The following ATXN2 variants were observed in gnomAD, a reference collection of about 807,000 sequenced individuals.
The protein encoded by ATXN2 is ataxin-2.
A neutral mutation model predicts 138.6 loss-of-function variants in ATXN2; 37 were observed. The observed-to-expected ratio is 0.27, with a 90% CI of 0.21 to 0.35. The LOEUF (loss-of-function observed/expected upper bound fraction) is 0.35. ATXN2 is among the 10% of genes least tolerant of loss of function. The pLI is 1.00. For missense variants in ATXN2, 1,216 were observed against 1,480.3 expected (o/e 0.82, Z 2.93); for synonymous variants, 549 against 543.7 (o/e 1.01, Z -0.13).
At chr12:111,547,938 A>G (rs1881912639) in intron 5 of ATXN2, among the ~76,000 whole-genome samples, 1 of 150,446 alleles carries the variant, frequency 6.6e-6, no homozygotes, top group Non-Finnish European at 1.5e-5. Context: ...CATGCCTACA[A>G]TCCCAGCAAT....
chr12:111,559,431 G>A (rs993938736), intron 1 of ATXN2, among the ~76,000 whole-genome samples: 1 of 151,348 alleles, frequency 6.6e-6, no homozygotes, highest in African/African-American at 2.4e-5. Flanking sequence ...AATCACATGG[G>A]ACAAAAACAT....
chr12:111,578,401 T>C (rs1372514237), intron 1 of ATXN2, among the ~76,000 whole-genome samples: 1 of 152,112 alleles, frequency 6.6e-6, no homozygotes, highest in East Asian at 1.9e-4. Flanking sequence ...TTACGCTGTA[T>C]TTTTACTCAC....
chr12:111,581,439 AG>A, intron 1 of ATXN2: 3 of 790,388 alleles, frequency 3.8e-6, no homozygotes, highest in Non-Finnish European at 6.8e-6. Flanking sequence ...CCTAACTATG[AG>A]ATGCTCAAGG....
intron 23 of ATXN2, chr12:111,455,402 G>C: frequency 2.5e-6 from 1 of 406,676 alleles, no homozygotes; most frequent in South Asian, 2.7e-5. Flanking sequence ...GCTTACACTG[G>C]AGGTGAGCTC....
At chr12:111,455,714 G>T in intron 23 of ATXN2, 1 of 444,570 alleles carries the variant, frequency 2.2e-6, no homozygotes, top group Non-Finnish European at 4.2e-6. Flanking sequence ...CATATATATA[G>T]TAGTGAGGCT....
At chr12:111,545,474 T>C (rs1412924086) in intron 5 of ATXN2, among the ~76,000 whole-genome samples, 2 of 151,664 alleles carry the variant, frequency 1.3e-5, no homozygotes, top group Non-Finnish European at 2.9e-5. Flanking sequence ...CAGGCACCTA[T>C]AGCCCCAGCT....
At position 111,555,064 on chromosome 12, in the gene ATXN2, T is replaced by C. The variant is rs905878446; in HGVS notation, c.288+819A>G. On this transcript the variant is annotated intron_variant, in intron 2 of 24. Transcript: ENST00000673436. ...TATTTCTTCCATCATGTGGGACTTA[T>C]AGTTTCTGCCCTTCATGTCCGGTTC... Among the ~76,000 whole-genome samples the C allele has an allele frequency of 3.3e-5, 5 of 152,336 alleles. No homozygotes were observed. In the East Asian group the frequency reaches 9.6e-4, roughly 29 times the overall value.
chr12:111,515,087 A>G (rs1305473851), intron 10 of ATXN2, among the ~76,000 whole-genome samples: 2 of 152,222 alleles, frequency 1.3e-5, no homozygotes, highest in Non-Finnish European at 2.9e-5. Flanking sequence ...TTTTGAGCAA[A>G]GAAGTCACCT....
chr12:111,581,668 G>A lies in ATXN2; in HGVS notation c.251+17116C>T, dbSNP rs1592926099. ...TGGTTGGCGACCTGATCAGGGCCCA[G>A]GCCTATGCCTTTACCGCCAAGTGCC... On this transcript the variant is annotated intron_variant, in intron 1 of 24. Coordinates refer to ENST00000673436, the MANE Select transcript of ATXN2 (RefSeq NM_001372574.1). The A allele has an allele frequency of 7.0e-6, 5 of 713,834 alleles. No homozygotes were observed. In the East Asian group the frequency reaches 1.3e-4, roughly 19 times the overall value. The allele number at this position is 713,834 out of a possible 1,614,324, so 44.2% of individuals were successfully genotyped here. A position where few individuals can be genotyped will look rare whatever the true frequency, so the allele number is the denominator to read the frequency against.
chr12:111,517,113 C>A (rs1879900735), intron 9 of ATXN2, among the ~76,000 whole-genome samples: 1 of 152,156 alleles, frequency 6.6e-6, no homozygotes, highest in Non-Finnish European at 1.5e-5. Context: ...AAGCAGTCAT[C>A]ACCAAATAAA....
intron 10 of ATXN2, among the ~76,000 whole-genome samples, chr12:111,515,860 TAAG>T (rs904721461): frequency 3.9e-5 from 6 of 152,102 alleles, no homozygotes; most frequent in African/African-American, 1.4e-4. Context: ...ACAGTGCAAA[TAAG>T]GAGGGGGAAG....
At chr12:111,579,823 C>G (rs573214694) in intron 1 of ATXN2, among the ~76,000 whole-genome samples, 1 of 151,898 alleles carries the variant, frequency 6.6e-6, no homozygotes, top group East Asian at 2.0e-4. Flanking sequence ...CTCAGCCCCC[C>G]CGAGTAGCTG....
intron 1 of ATXN2, among the ~76,000 whole-genome samples, chr12:111,582,209 G>A (rs1279759228): frequency 6.6e-6 from 1 of 152,060 alleles, no homozygotes. Context: ...TTTGGGAGGC[G>A]AAGGCGGGCA....
At chr12:111,484,489 G>A (rs1466166788) in intron 18 of ATXN2, among the ~76,000 whole-genome samples, 1 of 152,070 alleles carries the variant, frequency 6.6e-6, no homozygotes, top group Non-Finnish European at 1.5e-5. Flanking sequence ...CTGAAGTGCA[G>A]TGGCACGATC....
rs1566090902 is a variant in ATXN2 at position 111,598,956 on chromosome 12, GC to G, written c.78del (p.Gln26HisfsTer20). On this transcript the variant is annotated frameshift_variant, in exon 1 of 25. Transcript: ENST00000673436. LOFTEE classifies it high-confidence loss of function. This position sits in a 1 kb window ranked among gnomAD's most constrained non-coding sequence, Gnocchi z 4.5. ...QQQQQQQQQQ[Q>X]QQPPPAAANV... ...TTGGCAGCCGCGGGCGGCGGCTGCT[GC>G]TGCTGCTGCTGCTGCTGCTGTTGCT... The G allele has an allele frequency of 2.7e-6, 4 of 1,479,416 alleles. No homozygotes were observed. The highest frequency in any genetic ancestry group is 4.2e-5 in the Admixed American group (2 of 48,006). 91.6% of individuals were successfully genotyped at this position (1,479,416 alleles called of 1,614,324 possible). A position where few individuals can be genotyped will look rare whatever the true frequency, so the allele number is the denominator to read the frequency against.
In ATXN2 at chr12:111,553,573, A is replaced by C. The variant is rs1592894784; in HGVS notation, c.348+585T>G. 7.2e-5 allele frequency among the ~76,000 whole-genome samples: 3 copies of C among 41,598 alleles called. No individual in the cohort carries two copies. In the South Asian group the frequency reaches 6.6e-3, roughly 91 times the overall value. 27.3% of individuals were successfully genotyped at this position (41,598 alleles called of 152,430 possible). On this transcript the variant is annotated intron_variant, in intron 3 of 24. Transcript: ENST00000673436. Reference sequence around the variant, plus strand: ...GACGCAACCATGCCTCTTTTTTCTCAAAAAAAAAAAAAAAAAAAAAAAAAA... The same window carrying C: ...GACGCAACCATGCCTCTTTTTTCTCCAAAAAAAAAAAAAAAAAAAAAAAAA...
At chr12:111,498,856 G>T (rs1443868181) in intron 14 of ATXN2, among the ~76,000 whole-genome samples, 1 of 152,082 alleles carries the variant, frequency 6.6e-6, no homozygotes, top group South Asian at 2.1e-4. Context: ...AAAAGATATA[G>T]ATCAATGAAA....
Position 111,453,950 on chromosome 12 carries a change from G to T in ATXN2, c.3271-105C>A. On this transcript the variant is annotated intron_variant, in intron 23 of 24. Transcript: ENST00000673436. This position sits in a 1 kb window ranked among gnomAD's most constrained non-coding sequence, Gnocchi z 5.4. Reference sequence around the variant, plus strand: ...CTGGGACTCTCAGGAAAGGGCAACGGTGGGCCTCAGGGCCCAGTTCTGTTC... The same window carrying T: ...CTGGGACTCTCAGGAAAGGGCAACGTTGGGCCTCAGGGCCCAGTTCTGTTC... The T allele has an allele frequency of 8.5e-7, 1 of 1,181,710 alleles. No individual in the cohort carries two copies. The highest frequency in any genetic ancestry group is 1.2e-6 in the Non-Finnish European group (1 of 845,296). The allele number at this position is 1,181,710 out of a possible 1,614,324, so 73.2% of individuals were successfully genotyped here. A position where few individuals can be genotyped will look rare whatever the true frequency, so the allele number is the denominator to read the frequency against.
intron 18 of ATXN2, chr12:111,482,787 A>T (rs1268486665): frequency 1.3e-5 from 2 of 151,952 alleles, no homozygotes; most frequent in East Asian, 3.9e-4. Flanking sequence ...ATTTGATTAC[A>T]TTATTTCAGG....
Sources: allele counts gnomAD v4.1 joint callset (sites outside exome capture counted in the v4.1 genomes callset), GRCh38; gene constraint gnomAD v4.1.1; non-coding constraint Gnocchi (gnomAD v3.1); transcripts MANE v1.5; gene names NCBI Gene and HGNC (gene_info 2026-07-23, HGNC 2026-07-21).